Variants in EEPD1 observed in about 807,000 individuals in gnomAD.
EEPD1 encodes the protein endonuclease/exonuclease/phosphatase family domain containing 1, also known as endonuclease/exonuclease/phosphatase family domain-containing protein 1.
A neutral mutation model predicts 46.3 loss-of-function variants in EEPD1; 17 were observed. That is an observed-to-expected ratio of 0.37 (90% CI 0.25 to 0.55). EEPD1 has a LOEUF of 0.55. EEPD1 is among the 20% of genes least tolerant of loss of function. The pLI is 0.83. For synonymous variants in EEPD1, 313 were observed against 315.6 expected (o/e 0.99, Z 0.09); for missense variants, 673 against 745.6 (o/e 0.90, Z 1.13).
At chr7:36,226,094 G>A (rs1239505703) in intron 2 of EEPD1, among the ~76,000 whole-genome samples, 2 of 152,172 alleles carry the variant, frequency 1.3e-5, no homozygotes, top group African/African-American at 2.4e-5. Flanking sequence ...AATAAACTAT[G>A]TAATGGAAAG....
At chr7:36,232,659 T>C (rs569680768) in intron 2 of EEPD1, among the ~76,000 whole-genome samples, 12 of 149,968 alleles carry the variant, frequency 8.0e-5, no homozygotes, top group African/African-American at 3.0e-4. Flanking sequence ...TGTGGCTCAC[T>C]GGAGTGTTGA....
intron 5 of EEPD1, 46 bp from the exon 6 acceptor site, chr7:36,287,593 A>G: frequency 6.3e-7 from 1 of 1,593,178 alleles, no homozygotes; most frequent in Non-Finnish European, 8.5e-7. Flanking sequence ...TACAGGAAAT[A>G]TGAGCTTCTG....
chr7:36,215,922 CAA>C (rs967750957), intron 2 of EEPD1, among the ~76,000 whole-genome samples: 13 of 152,174 alleles, frequency 8.5e-5, no homozygotes, highest in African/African-American at 2.2e-4. Flanking sequence ...TAGCCAAAGA[CAA>C]AGAGAGGATG....
At position 36,204,986 on chromosome 7, in the gene EEPD1, A is replaced by C. The variant is rs114415972; in HGVS notation, c.879-33999A>C. On this transcript the variant is annotated intron_variant, in intron 2 of 7. Transcript: ENST00000242108. ...TTGGAATCCTTATAAGACAGGGCTA[A>C]AGCTTAGCTGTGCATAAAGCCAGGG... Among the ~76,000 whole-genome samples, 938 of 152,272 alleles carry C rather than the reference A, an allele frequency of 6.2e-3. 15 individuals carry two copies. Among genetic ancestry groups the C allele is most frequent in the African/African-American group, 0.022 (898 of 41,556 alleles).
chr7:36,244,815 C>T (rs1048379578), intron 3 of EEPD1, among the ~76,000 whole-genome samples: 1 of 145,580 alleles, frequency 6.9e-6, no homozygotes, highest in African/African-American at 2.5e-5. Context: ...CCCTGTTGCC[C>T]AGGCTGGAGT....
At chr7:36,226,663 G>C (rs1176159999) in intron 2 of EEPD1, among the ~76,000 whole-genome samples, 1 of 152,048 alleles carries the variant, frequency 6.6e-6, no homozygotes, top group Non-Finnish European at 1.5e-5. Context: ...GAGTGCACTA[G>C]AACTATAGAA....
intron 2 of EEPD1, among the ~76,000 whole-genome samples, chr7:36,213,884 C>T (rs567186354): frequency 1.3e-5 from 2 of 152,158 alleles, no homozygotes; most frequent in Non-Finnish European, 2.9e-5. Context: ...CTGTTGTCTA[C>T]AGCAGTGCTT....
intron 2 of EEPD1, among the ~76,000 whole-genome samples, chr7:36,212,190 C>T (rs908403241): frequency 6.6e-6 from 1 of 152,062 alleles, no homozygotes; most frequent in African/African-American, 2.4e-5. Context: ...CAAACAAATG[C>T]AAAGTAAAAT....
At chr7:36,156,204 C>T (rs576581238) in intron 2 of EEPD1, among the ~76,000 whole-genome samples, 26 of 152,142 alleles carry the variant, frequency 1.7e-4, no homozygotes, top group Admixed American at 4.6e-4. Flanking sequence ...TTTGGTGACA[C>T]GAAGTGAACT....
intron 2 of EEPD1, among the ~76,000 whole-genome samples, chr7:36,198,899 G>A (rs1282283880): frequency 2.0e-5 from 3 of 152,076 alleles, no homozygotes; most frequent in Admixed American, 2.0e-4. Flanking sequence ...GGCCTGAGCA[G>A]TGCAGCTGGT....
At chr7:36,230,333 T>TC (rs374454886) in intron 2 of EEPD1, among the ~76,000 whole-genome samples, 9 of 151,218 alleles carry the variant, frequency 6.0e-5, no homozygotes, top group Middle Eastern at 6.8e-3. Context: ...CCCCCGGGCC[T>TC]CTGCCACATC....
intron 2 of EEPD1, among the ~76,000 whole-genome samples, chr7:36,191,028 C>G (rs560981443): frequency 6.6e-6 from 1 of 152,344 alleles, no homozygotes; most frequent in South Asian, 2.1e-4. Context: ...ACAATGATTT[C>G]TATGTCCACT....
chr7:36,288,391 T>C (rs1787372365), intron 6 of EEPD1, among the ~76,000 whole-genome samples: 2 of 152,062 alleles, frequency 1.3e-5, no homozygotes, highest in Admixed American at 1.3e-4. Context: ...TCTGCAGCAA[T>C]ACCAAGCACA....
intron 6 of EEPD1, among the ~76,000 whole-genome samples, chr7:36,295,708 G>A (rs1261458772): frequency 1.3e-5 from 2 of 152,168 alleles, no homozygotes; most frequent in Non-Finnish European, 2.9e-5. Context: ...AATGGCCATA[G>A]TTTTTCATGA....
chr7:36,251,634 T>C (rs1317635497), intron 3 of EEPD1, among the ~76,000 whole-genome samples: 3 of 152,058 alleles, frequency 2.0e-5, no homozygotes, highest in Non-Finnish European at 2.9e-5. Context: ...TTCTTAAAGG[T>C]AAATTCTCAT....
At chr7:36,172,331 A>C (rs1397060525) in intron 2 of EEPD1, among the ~76,000 whole-genome samples, 2 of 152,144 alleles carry the variant, frequency 1.3e-5, no homozygotes, top group Non-Finnish European at 2.9e-5. Context: ...GGCCTGTCTC[A>C]TACCCTGAGA....
At chr7:36,263,456 T>A (rs1189966643) in intron 3 of EEPD1, among the ~76,000 whole-genome samples, 1 of 152,180 alleles carries the variant, frequency 6.6e-6, no homozygotes, top group Non-Finnish European at 1.5e-5. Context: ...GTTAGTGGCT[T>A]CCTCCACAAG....
At chr7:36,268,456 G>T (rs1016064221) in intron 3 of EEPD1, among the ~76,000 whole-genome samples, 5 of 152,156 alleles carry the variant, frequency 3.3e-5, no homozygotes, top group African/African-American at 1.2e-4. Context: ...ACCTTACCCA[G>T]CTGCTTGCTA....
At chr7:36,192,018 T>A (rs982342098) in intron 2 of EEPD1, among the ~76,000 whole-genome samples, 4 of 152,148 alleles carry the variant, frequency 2.6e-5, no homozygotes, top group Non-Finnish European at 5.9e-5. Context: ...CGAGACTCTT[T>A]CCGCGTTGTC....
Sources: gnomAD v4.1 joint callset for allele counts (sites outside exome capture counted in the v4.1 genomes callset) on GRCh38, gnomAD v4.1.1 for gene constraint, MANE v1.5 for transcripts, NCBI Gene and HGNC (gene_info 2026-07-23, HGNC 2026-07-21) for gene names.